The following TRIP12 variants were observed in gnomAD, a reference collection of about 807,000 sequenced individuals.
TRIP12 encodes the protein thyroid hormone receptor interactor 12.
A neutral mutation model predicts 244.2 loss-of-function variants in TRIP12; 25 were observed. The observed-to-expected ratio is 0.10, with a 90% CI of 0.07 to 0.14. The LOEUF is 0.14. TRIP12 is among the 10% of genes least tolerant of loss of function. The pLI is 1.00. For synonymous variants in TRIP12, 905 were observed against 873.1 expected (o/e 1.04, Z -0.64); for missense variants, 1,677 against 2,486.4 (o/e 0.67, Z 6.92).
At position 229,767,446 on chromosome 2, in the gene TRIP12, C is replaced by A; in HGVS notation, c.*108G>T. The A allele has an allele frequency of 2.2e-6, 3 of 1,354,780 alleles. No homozygotes were observed. The highest frequency in any genetic ancestry group is 2.4e-5 in the East Asian group (1 of 41,008). 83.9% of individuals were successfully genotyped at this position (1,354,780 alleles called of 1,614,324 possible). ...TATAATCTGCAAGCCGTTTTTCCTA[C>A]AACAAGAAGGCGTAACATGTTTCCT... is the stretch of plus-strand genomic sequence containing the variant. On this transcript the variant is annotated 3_prime_UTR_variant, in exon 42 of 42. Coordinates refer to ENST00000675903, the MANE Select transcript of TRIP12 (RefSeq NM_001348323.3).
chr2:229,808,028 C>T (rs150104469), intron 16 of TRIP12, among the ~76,000 whole-genome samples, 164 bp from the exon 17 acceptor site: 15 of 152,090 alleles, frequency 9.9e-5, no homozygotes, highest in Admixed American at 2.6e-4. Flanking sequence ...GGCAGTGGCA[C>T]GATCTCAGCT....
At chr2:229,850,878 G>T (rs2058545402) in intron 4 of TRIP12, among the ~76,000 whole-genome samples, 1 of 152,248 alleles carries the variant, frequency 6.6e-6, no homozygotes, top group African/African-American at 2.4e-5. Context: ...GCTGCGGAGA[G>T]TGTACTGGGT....
intron 1 of TRIP12, among the ~76,000 whole-genome samples, chr2:229,889,935 C>CA (rs1297812063): frequency 1.3e-5 from 2 of 152,070 alleles, no homozygotes; most frequent in African/African-American, 2.4e-5. Context: ...TCCCTATGGA[C>CA]AAAAACAATT....
At chr2:229,872,274 A>G (rs1025521822) in intron 2 of TRIP12, among the ~76,000 whole-genome samples, 2 of 151,748 alleles carry the variant, frequency 1.3e-5, no homozygotes, top group South Asian at 2.1e-4. Context: ...TCTTTTAAAA[A>G]AAGAAGAGTC....
At chr2:229,819,040 CCACACACACACACACACACACACACA>C (rs370625320) in intron 8 of TRIP12, among the ~76,000 whole-genome samples, 10 of 134,050 alleles carry the variant, frequency 7.5e-5, no homozygotes, top group South Asian at 2.5e-4. Flanking sequence ...AAAATAAAAA[CCACACACACACACACACACACACACA>C]CACACACACA....
chr2:229,885,534 A>G (rs977599690), intron 1 of TRIP12, among the ~76,000 whole-genome samples: 2 of 152,232 alleles, frequency 1.3e-5, no homozygotes, highest in African/African-American at 2.4e-5. Context: ...TACACACACC[A>G]GATAAAGAAG....
At position 229,766,517 on chromosome 2, in the gene TRIP12, T is replaced by G. The variant is rs1274563179; in HGVS notation, c.*1037A>C. On this transcript the variant is annotated 3_prime_UTR_variant, in exon 42 of 42. Coordinates refer to ENST00000675903, the MANE Select transcript of TRIP12 (RefSeq NM_001348323.3). ...ATCTGCGTCGAGACAAAGGCTGAAC[T>G]GTTTTGTCCCAAGTCAGCACTGGGA... 1.3e-5 allele frequency: 2 copies of G among 152,196 alleles called. No individual in the cohort carries two copies. Among genetic ancestry groups the G allele is most frequent in the African/African-American group, 4.8e-5 (2 of 41,452 alleles). The allele number at this position is 152,196 out of a possible 1,614,324, so 9.4% of individuals were successfully genotyped here. A position where few individuals can be genotyped will look rare whatever the true frequency, so the allele number is the denominator to read the frequency against.
chr2:229,836,605 T>A (rs1052242316), intron 6 of TRIP12, among the ~76,000 whole-genome samples: 3 of 152,216 alleles, frequency 2.0e-5, no homozygotes, highest in African/African-American at 7.2e-5. Context: ...CTAGTCAATA[T>A]ATAAAAAGCT....
chr2:229,904,127 A>G (rs953419510), intron 1 of TRIP12, among the ~76,000 whole-genome samples: 1 of 152,226 alleles, frequency 6.6e-6, no homozygotes, highest in African/African-American at 2.4e-5. Flanking sequence ...AGGATTATTA[A>G]CAATAGTTTC....
chr2:229,792,852 T>G, intron 27 of TRIP12, 121 bp downstream of exon 27: 1 of 1,051,350 alleles, frequency 9.5e-7, no homozygotes, highest in Non-Finnish European at 1.3e-6. Context: ...GGAATATAAG[T>G]TCCTGCCATC....
At chr2:229,799,248 C>T in intron 22 of TRIP12, 35 bp downstream of exon 22, 1 of 1,606,916 alleles carries the variant, frequency 6.2e-7, no homozygotes, top group Non-Finnish European at 8.5e-7. Context: ...ACCACCCTCC[C>T]CTTTACCTCC....
At chr2:229,837,100 T>A (rs778394483) in intron 5 of TRIP12, 116 bp from the exon 6 acceptor site, 4 of 1,159,208 alleles carry the variant, frequency 3.5e-6, no homozygotes, top group Admixed American at 7.4e-5. Context: ...CGTCCTCTTT[T>A]TAAATAAAAG....
Position 229,797,783 on chromosome 2 carries a change from T to C in TRIP12, c.3531A>G (p.Glu1177=). 1 of 1,614,000 alleles carries C rather than the reference T, an allele frequency of 6.2e-7. No homozygotes were observed. Among genetic ancestry groups the C allele is most frequent in the Non-Finnish European group, 8.5e-7 (1 of 1,179,922 alleles). The change falls in exon 24 of 42, where the codon GAA becomes GAG. Residue 1177 remains glutamate, a synonymous_variant. Coordinates refer to ENST00000675903, the MANE Select transcript of TRIP12 (RefSeq NM_001348323.3). ...WIKEQAHKFV[E]RYFSSENMDG... ...CCATATTCTCAGAACTGAAATAACG[T>C]TCTACAAATTTATGTGCCTGCTCCT... is the stretch of plus-strand genomic sequence containing the variant.
intron 1 of TRIP12, among the ~76,000 whole-genome samples, chr2:229,882,642 A>C (rs2065113509): frequency 6.6e-6 from 1 of 152,368 alleles, no homozygotes; most frequent in African/African-American, 2.4e-5. Flanking sequence ...ATACAAGAGA[A>C]TAGGATGATA....
chr2:229,822,937 T>A (rs550945694), intron 8 of TRIP12, among the ~76,000 whole-genome samples: 1 of 152,236 alleles, frequency 6.6e-6, no homozygotes, highest in African/African-American at 2.4e-5. Context: ...ATTGACGGGT[T>A]TAACAAAAGA....
At chr2:229,863,279 T>A (rs2060778185) in intron 2 of TRIP12, among the ~76,000 whole-genome samples, 1 of 151,476 alleles carries the variant, frequency 6.6e-6, no homozygotes, top group African/African-American at 2.4e-5. Context: ...ATGCCCACAC[T>A]GATCTTACCT....
At chr2:229,893,326 A>T (rs1576776249) in intron 1 of TRIP12, among the ~76,000 whole-genome samples, 1 of 152,182 alleles carries the variant, frequency 6.6e-6, no homozygotes, top group East Asian at 1.9e-4. Context: ...TCAACAACGA[A>T]ATGCCCAAGT....
intron 7 of TRIP12, among the ~76,000 whole-genome samples, chr2:229,830,304 G>A (rs979339797): frequency 3.3e-5 from 5 of 152,172 alleles, no homozygotes; most frequent in African/African-American, 1.2e-4. Context: ...TTGCATGAGT[G>A]AAAAGTCCGA....
At chr2:229,914,330 G>T (rs1236503728) in intron 1 of TRIP12, among the ~76,000 whole-genome samples, 2 of 152,198 alleles carry the variant, frequency 1.3e-5, no homozygotes, top group Non-Finnish European at 2.9e-5. Flanking sequence ...GGAAGAAACA[G>T]TTCAATCTGA....
Sources: allele counts gnomAD v4.1 joint callset (sites outside exome capture counted in the v4.1 genomes callset), GRCh38; gene constraint gnomAD v4.1.1; transcripts MANE v1.5; gene names NCBI Gene and HGNC (gene_info 2026-07-23, HGNC 2026-07-21).